Variants in PDXK observed in about 807,000 individuals in gnomAD.
PDXK encodes the protein pyridoxal kinase, also known as epididymis secretory sperm binding protein Li 1a.
PDXK carries 15 observed loss-of-function variants against 43.2 expected under a neutral mutation model. The ratio of observed to expected loss-of-function variants is 0.35; its 90% CI spans 0.23 to 0.53. PDXK has a LOEUF of 0.53. Ranked by LOEUF, PDXK falls within the 20% of genes least tolerant of loss-of-function variation. PDXK has a pLI of 0.92. For missense variants in PDXK, 343 were observed against 417.0 expected, an observed-to-expected ratio of 0.82 and a Z score of 1.54; for synonymous variants, 172 against 165.4, an observed-to-expected ratio of 1.04 and a Z score of -0.31.
At chr21:43,727,035 CG>C (rs1037485601) in intron 1 of PDXK, among the ~76,000 whole-genome samples, 7 of 152,124 alleles carry the variant, frequency 4.6e-5, no homozygotes, top group African/African-American at 1.7e-4. Flanking sequence ...CAGTGTTGGC[CG>C]GCCCCCCCGT....
intron 4 of PDXK, 126 bp from the exon 5 acceptor site, chr21:43,745,953 C>T (rs781048503): frequency 9.2e-5 from 70 of 760,694 alleles, no homozygotes; most frequent in Admixed American, 4.0e-4. Context: ...ACCATGATTG[C>T]ACCACTGCAC....
At chr21:43,733,847 G>A (rs962276950) in intron 1 of PDXK, 3 of 661,892 alleles carry the variant, frequency 4.5e-6, no homozygotes, top group Admixed American at 2.9e-5. Flanking sequence ...TCCCCAGAGA[G>A]GGAAGCCCAG....
intron 5 of PDXK, 118 bp from the exon 6 acceptor site, chr21:43,748,877 G>C: frequency 1.5e-6 from 1 of 676,570 alleles, no homozygotes; most frequent in Non-Finnish European, 2.6e-6. Flanking sequence ...CCTGGCCCCT[G>C]AGCCTGGACT....
At chr21:43,736,833 A>G (rs543587949) in intron 2 of PDXK, 2 of 674,102 alleles carry the variant, frequency 3.0e-6, no homozygotes, top group South Asian at 1.6e-5. Flanking sequence ...GAGTCTCACT[A>G]TGTTGCCCAA....
At chr21:43,726,493 G>A (rs55821194) in intron 1 of PDXK, among the ~76,000 whole-genome samples, 4,685 of 152,120 alleles carry the variant, frequency 0.031, 115 homozygotes, top group Non-Finnish European at 0.045. Context: ...AGCCAGGATG[G>A]TCTCGATATC....
chr21:43,753,034 C>G (rs1348502962), intron 8 of PDXK, among the ~76,000 whole-genome samples: 2 of 152,170 alleles, frequency 1.3e-5, no homozygotes, highest in Admixed American at 6.5e-5. Flanking sequence ...ACCCATGGGC[C>G]CAAAAGAACA....
At position 43,754,847 on chromosome 21, in the gene PDXK, A is replaced by G. The variant is rs1378123032; in HGVS notation, c.760-851A>G. ...TCCCCCGGGGTACACCTCCTCCCCA[A>G]CAAGTCAGTTTCAGCTGAGTGTCCT... On this transcript the variant is annotated intron_variant, in intron 9 of 10. Transcript: ENST00000291565. The surrounding 1 kb of genome is among the most constrained non-coding windows in gnomAD (Gnocchi z 5.5). 5.3e-5 allele frequency among the ~76,000 whole-genome samples: 8 copies of G among 152,144 alleles called. No homozygotes were observed. The highest frequency in any genetic ancestry group is 1.7e-4 in the African/African-American group (7 of 41,436).
chr21:43,755,582 G>A (rs921889843), intron 9 of PDXK, 116 bp from the exon 10 acceptor site: 19 of 881,786 alleles, frequency 2.2e-5, no homozygotes, highest in East Asian at 9.6e-5. Flanking sequence ...CCGGCTCCCC[G>A]GTGGCTCGGA....
intron 2 of PDXK, chr21:43,741,151 G>GCAGGGGGCTC (rs151119990): frequency 4.5e-5 from 1 of 22,446 alleles, no homozygotes; most frequent in Non-Finnish European, 7.4e-5. Flanking sequence ...ACAGTGCAGG[G>GCAGGGGGCTC]GCGGGGGGCT....
At position 43,752,703 on chromosome 21, in the gene PDXK, T is replaced by A. The variant is rs552574833; in HGVS notation, c.622+74T>A. The A allele has an allele frequency of 3.7e-5, 34 of 919,972 alleles. No individual in the cohort carries two copies. The African/African-American group carries it at 3.9e-4, about 11-fold the overall frequency. 57.0% of individuals were successfully genotyped at this position (919,972 alleles called of 1,614,324 possible). A position where few individuals can be genotyped will look rare whatever the true frequency, so the allele number is the denominator to read the frequency against. On this transcript the variant is annotated intron_variant, in intron 8 of 10. Transcript: ENST00000291565. ...AAGGTGTTCTTTGGGGCTGCAAGAA[T>A]GTTTTGGGTTCAATAGCATGAAATT...
intron 5 of PDXK, among the ~76,000 whole-genome samples, chr21:43,748,161 C>T (rs1336477754): frequency 6.6e-6 from 1 of 152,264 alleles, no homozygotes. Context: ...TCTTCCAGAG[C>T]TTCGCACTGC....
chr21:43,748,715 ACCTCCTTCT>A (rs1380038465), intron 5 of PDXK, among the ~76,000 whole-genome samples: 32 of 146,786 alleles, frequency 2.2e-4, no homozygotes, highest in Admixed American at 1.6e-3. Context: ...TCTCTCCTTC[ACCTCCTTCT>A]CCTCCCAGAC....
Position 43,735,976 on chromosome 21 carries a change from C to T in PDXK, c.142+1853C>T, listed in dbSNP as rs1285287260. Among the ~76,000 whole-genome samples, 2 of 152,172 alleles carry T rather than the reference C, an allele frequency of 1.3e-5. No individual in the cohort carries two copies. Among genetic ancestry groups the T allele is most frequent in the Non-Finnish European group, 2.9e-5 (2 of 68,026 alleles). ...GTGCCACGGGAGCTGGTGGTCAAGACGGGGGACTCGGCCTCCTCCGTGCAG... is the reference window on the plus strand; with the variant it reads ...GTGCCACGGGAGCTGGTGGTCAAGATGGGGGACTCGGCCTCCTCCGTGCAG... On this transcript the variant is annotated intron_variant, in intron 2 of 10. Transcript: ENST00000291565. This position sits in a 1 kb window ranked among gnomAD's most constrained non-coding sequence, Gnocchi z 5.3.
chr21:43,724,066 C>T (rs992353645), intron 1 of PDXK, among the ~76,000 whole-genome samples: 1 of 152,202 alleles, frequency 6.6e-6, no homozygotes, highest in Non-Finnish European at 1.5e-5. Flanking sequence ...GCAGCCCCCA[C>T]CAGAAGACCC....
intron 1 of PDXK, among the ~76,000 whole-genome samples, chr21:43,733,037 T>C (rs1416981339): frequency 6.6e-6 from 1 of 152,222 alleles, no homozygotes; most frequent in Non-Finnish European, 1.5e-5. Flanking sequence ...CATGAGCCAC[T>C]GCACCTGGCC....
At position 43,734,122 on chromosome 21, in the gene PDXK, A is replaced by C. The variant is rs1320432977; in HGVS notation, c.141A>C (p.Thr47=). 27 of 1,613,984 alleles carry C rather than the reference A, an allele frequency of 1.7e-5. No individual in the cohort carries two copies. Among genetic ancestry groups the C allele is most frequent in the Non-Finnish European group, 2.2e-5 (26 of 1,179,854 alleles). ...ACTCTGTCCAGTTTTCAAACCACAC[A>C]GGTAAGGCGTTGGCTCCAGCAGCTG... The part of the protein sequence containing the change: ...AVNSVQFSNH[T]GYAHWKGQVL... Residue 47 remains threonine (T), a splice_region_variant and synonymous_variant, in exon 2 of 11, where the codon ACA becomes ACC. Transcript: ENST00000291565. This position sits in a 1 kb window ranked among gnomAD's most constrained non-coding sequence, Gnocchi z 5.0.
At chr21:43,738,121 C>G in intron 2 of PDXK, 1 of 869,022 alleles carries the variant, frequency 1.2e-6, no homozygotes, top group Non-Finnish European at 1.4e-6. Context: ...CCCAGCACCT[C>G]AGTGTGGGAC....
At position 43,723,136 on chromosome 21, in the gene PDXK, G is replaced by A. The variant is rs1294395875; in HGVS notation, c.87+3755G>A. 6.6e-6 allele frequency among the ~76,000 whole-genome samples: 1 copy of A among 151,090 alleles called. No individual in the cohort carries two copies. The highest frequency in any genetic ancestry group is 1.5e-5 in the Non-Finnish European group (1 of 67,856). ...TACAGGCATGGGGCCACCACGCCTG[G>A]CCTTCTTTTTCTTTTTCTTTCTTTT... On this transcript the variant is annotated intron_variant, in intron 1 of 10. Transcript: ENST00000291565. The surrounding 1 kb of genome is among the most constrained non-coding windows in gnomAD (Gnocchi z 4.1).
chr21:43,741,550 C>T (rs1233663925), intron 2 of PDXK, 117 bp from the exon 3 acceptor site: 1 of 1,523,838 alleles, frequency 6.6e-7, no homozygotes, highest in East Asian at 2.3e-5. Context: ...TGAGCCAGTC[C>T]ATGGGGAGGA....
Sources: allele counts gnomAD v4.1 joint callset (sites outside exome capture counted in the v4.1 genomes callset), GRCh38; gene constraint gnomAD v4.1.1; non-coding constraint Gnocchi (gnomAD v3.1); transcripts MANE v1.5; gene names NCBI Gene and HGNC (gene_info 2026-07-23, HGNC 2026-07-21).